Variants in NDUFA5 observed in about 807,000 individuals in gnomAD.
The protein encoded by NDUFA5 is NADH:ubiquinone oxidoreductase subunit A5.
A neutral mutation model predicts 19.8 loss-of-function variants in NDUFA5; 11 were observed. The ratio of observed to expected loss-of-function variants is 0.56; its 90% CI spans 0.35 to 0.92. The LOEUF (loss-of-function observed/expected upper bound fraction) is 0.92, where lower values mean the gene tolerates loss of function less well. NDUFA5 is among the 40% of genes least tolerant of loss of function. The pLI is 0.01. For synonymous variants in NDUFA5, 47 were observed against 46.8 expected (o/e 1.00, Z -0.01); for missense variants, 109 against 134.2 (o/e 0.81, Z 0.93).
At chr7:123,587,092 A>G in the NDUFA5 span, among the ~76,000 whole-genome samples, 2 of 151,536 alleles carry the variant, frequency 1.3e-5, no homozygotes, top group Non-Finnish European at 1.5e-5. Flanking sequence ...TATTCCTCCC[A>G]TTTCTGTGAA....
chr7:123,570,422 C>A, the NDUFA5 span, among the ~76,000 whole-genome samples: 1 of 152,056 alleles, frequency 6.6e-6, no homozygotes, highest in Non-Finnish European at 1.5e-5. Context: ...TCCCTTCCAC[C>A]GAGAGTGGCA....
At chr7:123,571,285 G>T in the NDUFA5 span, among the ~76,000 whole-genome samples, 28 of 152,252 alleles carry the variant, frequency 1.8e-4, no homozygotes, top group African/African-American at 6.7e-4. Flanking sequence ...GTATTAAGTT[G>T]TTCTTCATTT....
the NDUFA5 span, among the ~76,000 whole-genome samples, chr7:123,564,752 A>G: frequency 6.6e-6 from 1 of 152,120 alleles, no homozygotes; most frequent in East Asian, 1.9e-4. Context: ...AAACATCTGG[A>G]CTTAACGATT....
intron 2 of NDUFA5, chr7:123,555,887 C>T (rs1165992145): frequency 6.6e-6 from 1 of 152,150 alleles, no homozygotes; most frequent in East Asian, 1.9e-4. Context: ...TGACCTACCT[C>T]ATATTTTAAC....
chr7:123,573,949 A>G, the NDUFA5 span, among the ~76,000 whole-genome samples: 1 of 152,124 alleles, frequency 6.6e-6, no homozygotes, highest in African/African-American at 2.4e-5. Flanking sequence ...CAAATTTACA[A>G]TATTATTTTA....
At chr7:123,596,509 G>T in the NDUFA5 span, 1 of 152,136 alleles carries the variant, frequency 6.6e-6, no homozygotes, top group Non-Finnish European at 1.5e-5. Context: ...CTGCTCAGGA[G>T]GCTGATGCGA....
At chr7:123,549,120 G>A (rs1288380690) in intron 3 of NDUFA5, among the ~76,000 whole-genome samples, 2 of 152,046 alleles carry the variant, frequency 1.3e-5, no homozygotes, top group Non-Finnish European at 2.9e-5. Context: ...CTTGTATTTT[G>A]GCATCCATGG....
the NDUFA5 span, among the ~76,000 whole-genome samples, chr7:123,598,595 T>C: frequency 6.6e-6 from 1 of 152,226 alleles, no homozygotes. Flanking sequence ...CAGAAATAAC[T>C]GCGAACCCAT....
At chr7:123,573,108 C>T in the NDUFA5 span, among the ~76,000 whole-genome samples, 1 of 152,002 alleles carries the variant, frequency 6.6e-6, no homozygotes, top group Non-Finnish European at 1.5e-5. Flanking sequence ...CCTGAAATCA[C>T]CTCTTCCATG....
At chr7:123,588,954 T>G in the NDUFA5 span, among the ~76,000 whole-genome samples, 1 of 151,906 alleles carries the variant, frequency 6.6e-6, no homozygotes, top group Non-Finnish European at 1.5e-5. Flanking sequence ...TTCAATCTAG[T>G]TAAATTTCTT....
the NDUFA5 span, among the ~76,000 whole-genome samples, chr7:123,566,762 G>T: frequency 6.6e-6 from 1 of 152,050 alleles, no homozygotes; most frequent in Non-Finnish European, 1.5e-5. Context: ...TCTGTGAAGG[G>T]ACCTATGTAT....
rs373436117 is a variant in NDUFA5 at position 123,545,606 on chromosome 7, T to G, written c.249+5A>C. 8.1e-6 allele frequency: 13 copies of G among 1,610,064 alleles called. No homozygotes were observed. The highest frequency in any genetic ancestry group is 1.1e-5 in the Non-Finnish European group (13 of 1,177,514). ...AAACACCTAAATAGTCAACTTTTTC[T>G]TTACCTGAAGAATCACCTCTTCTAA... On this transcript the variant is annotated splice_donor_5th_base_variant and intron_variant, in intron 4 of 4. Transcript: ENST00000355749.
chr7:123,596,599 G>C, the NDUFA5 span, among the ~76,000 whole-genome samples: 32,479 of 151,924 alleles, frequency 0.21, 3,677 homozygotes, highest in East Asian at 0.4. Flanking sequence ...GTGACAGAGG[G>C]AGACCCTGTC....
intron 1 of NDUFA5, 91 bp downstream of exon 1, chr7:123,557,684 C>A (rs760798358): frequency 6.2e-7 from 1 of 1,614,080 alleles, no homozygotes; most frequent in South Asian, 1.1e-5. Flanking sequence ...GAGCCCGCGA[C>A]AGTAGGGGTC....
intron 3 of NDUFA5, chr7:123,545,914 A>G (rs926780330): frequency 1.0e-5 from 4 of 381,076 alleles, no homozygotes; most frequent in African/African-American, 8.6e-5. Flanking sequence ...ACAGAAATAC[A>G]ATGTCAAATT....
At chr7:123,584,301 G>C in the NDUFA5 span, among the ~76,000 whole-genome samples, 1 of 87,510 alleles carries the variant, frequency 1.1e-5, no homozygotes, top group African/African-American at 4.9e-5. Flanking sequence ...ACACAGAAAG[G>C]CCTTGTCAAA....
the NDUFA5 span, among the ~76,000 whole-genome samples, chr7:123,568,239 G>A: frequency 1.3e-5 from 2 of 152,134 alleles, no homozygotes; most frequent in African/African-American, 2.4e-5. Flanking sequence ...CTGGCTGGGC[G>A]CGGTGGCTCA....
At chr7:123,563,353 A>G in the NDUFA5 span, among the ~76,000 whole-genome samples, 1 of 152,188 alleles carries the variant, frequency 6.6e-6, no homozygotes, top group African/African-American at 2.4e-5. Context: ...CCTAATTTCA[A>G]CATTGTTGTA....
chr7:123,589,255 C>G, the NDUFA5 span, among the ~76,000 whole-genome samples: 1 of 151,260 alleles, frequency 6.6e-6, no homozygotes, highest in Admixed American at 6.6e-5. Context: ...GTTATTTTCT[C>G]TTGATAAATT....
Sources: gnomAD v4.1 joint callset for allele counts (sites outside exome capture counted in the v4.1 genomes callset) on GRCh38, gnomAD v4.1.1 for gene constraint, MANE v1.5 for transcripts, NCBI Gene and HGNC (gene_info 2026-07-23, HGNC 2026-07-21) for gene names.